Variants in STRA8 observed in about 807,000 individuals in gnomAD.
STRA8 encodes stimulated by retinoic acid 8.
Under a neutral mutation model 37.1 loss-of-function variants are expected in STRA8, and 18 were observed. The ratio of observed to expected loss-of-function variants is 0.48; its 90% CI spans 0.34 to 0.72. The LOEUF is 0.72. STRA8 is among the 30% of genes least tolerant of loss of function. STRA8 has a pLI of 0.01. For synonymous variants in STRA8, 168 were observed against 162.9 expected (o/e 1.03, Z -0.24); for missense variants, 357 against 410.4 (o/e 0.87, Z 1.13).
At chr7:135,241,827 C>G (rs1832468665) in intron 2 of STRA8, among the ~76,000 whole-genome samples, 1 of 152,094 alleles carries the variant, frequency 6.6e-6, no homozygotes, top group South Asian at 2.1e-4. Context: ...ACTCTGTATC[C>G]CTGGGACTTA....
chr7:135,252,182 A>G (rs1832647168), intron 7 of STRA8, among the ~76,000 whole-genome samples: 1 of 152,186 alleles, frequency 6.6e-6, no homozygotes, highest in Non-Finnish European at 1.5e-5. Context: ...AGTGACTCAC[A>G]GTTCCACAGG....
Position 135,246,412 on chromosome 7 carries a change from T to G in STRA8, c.594-5T>G. ...GGGTGCGAGACGGCGCCGCTTCTGT[T>G]CCAGGTATCTCAACTTTTACAAACA... On this transcript the variant is annotated splice_polypyrimidine_tract_variant and splice_region_variant and intron_variant, in intron 5 of 8. Transcript: ENST00000662584. The surrounding 1 kb of genome is among the most constrained non-coding windows in gnomAD (Gnocchi z 5.4). 6.3e-7 allele frequency: 1 copy of G among 1,598,666 alleles called. No individual in the cohort carries two copies. The highest frequency in any genetic ancestry group is 8.5e-7 in the Non-Finnish European group (1 of 1,171,688).
upstream of STRA8, among the ~76,000 whole-genome samples, chr7:135,232,944 G>A (rs944937790): frequency 2.0e-5 from 3 of 152,234 alleles, no homozygotes; most frequent in Admixed American, 6.5e-5. Context: ...GCGGAGCCAT[G>A]CTTCTTGCAC....
rs778547797 is a variant in STRA8 at position 135,258,451 on chromosome 7, A to C, written c.1099A>C (p.Met367Leu). ...ASFPVDEEMI[M>L]LQCTETFDDE... Reference sequence around the variant, plus strand: ...CTTTCCCGTTGATGAAGAGATGATCATGTTGCAGTGCACAGAGACCTTTGA... The same window carrying C: ...CTTTCCCGTTGATGAAGAGATGATCCTGTTGCAGTGCACAGAGACCTTTGA... Residue 367 changes from methionine to leucine, a missense_variant, in exon 9 of 9, where the codon ATG (methionine) becomes CTG (leucine). Coordinates refer to ENST00000662584, the MANE Select transcript of STRA8 (RefSeq NM_001394401.1). The C allele has an allele frequency of 1.3e-5, 21 of 1,607,158 alleles. No homozygotes were observed. Among genetic ancestry groups the C allele is most frequent in the African/African-American group, 2.7e-5 (2 of 74,866 alleles).
intron 1 of STRA8, among the ~76,000 whole-genome samples, chr7:135,240,138 C>T (rs73444259): frequency 0.019 from 2,849 of 152,240 alleles, 103 homozygotes; most frequent in African/African-American, 0.064. Flanking sequence ...CTGAAATTAA[C>T]AAGTGTCTGG....
In STRA8 at chr7:135,245,369, G is replaced by A. The variant is rs62639690; in HGVS notation, c.435G>A (p.Glu145=). Residue 145 remains glutamate (E), a synonymous_variant, in exon 5 of 9, where the codon GAG becomes GAA. Transcript: ENST00000662584. ...TEAVRKDAEE[E]EDEEEEDQEE... ...CAGTCAGGAAGGATGCTGAGGAGGA[G>A]GAAGATGAGGAAGAGGAAGATCAAG... is the stretch of plus-strand genomic sequence containing the variant. 1 of 780,278 alleles carries A rather than the reference G, an allele frequency of 1.3e-6. No homozygotes were observed. Among genetic ancestry groups the A allele is most frequent in the Non-Finnish European group, 2.4e-6 (1 of 417,768 alleles). 48.3% of individuals were successfully genotyped at this position (780,278 alleles called of 1,614,324 possible).
intron 2 of STRA8, among the ~76,000 whole-genome samples, chr7:135,242,369 T>C (rs575031421): frequency 2.0e-5 from 3 of 152,332 alleles, no homozygotes; most frequent in African/African-American, 7.2e-5. Context: ...ACATTTAATA[T>C]TAACTAGCCC....
intron 6 of STRA8, among the ~76,000 whole-genome samples, chr7:135,249,309 C>T (rs749071056): frequency 5.3e-5 from 8 of 152,188 alleles, no homozygotes; most frequent in Non-Finnish European, 1.0e-4. Context: ...ATGGGCTGGG[C>T]GTGGTGATGC....
At chr7:135,234,078 GGAT>G (rs138996477) in intron 1 of STRA8, among the ~76,000 whole-genome samples, 175 bp downstream of exon 1, 6 of 150,696 alleles carry the variant, frequency 4.0e-5, no homozygotes, top group African/African-American at 1.5e-4. Context: ...GAGTGATTCT[GGAT>G]GATGATGATG....
At chr7:135,250,723 A>T (rs113881419) in intron 6 of STRA8, among the ~76,000 whole-genome samples, 2,314 of 152,332 alleles carry the variant, frequency 0.015, 62 homozygotes, top group African/African-American at 0.053. Flanking sequence ...CAGTTAAAGT[A>T]AAGCATGCCC....
At chr7:135,234,854 C>A (rs989572384) in intron 1 of STRA8, among the ~76,000 whole-genome samples, 1 of 152,164 alleles carries the variant, frequency 6.6e-6, no homozygotes, top group Non-Finnish European at 1.5e-5. Flanking sequence ...AGGTCGAACA[C>A]AGCAATAAGT....
At chr7:135,239,526 G>T (rs1832428713) in intron 1 of STRA8, among the ~76,000 whole-genome samples, 1 of 152,320 alleles carries the variant, frequency 6.6e-6, no homozygotes, top group South Asian at 2.1e-4. Context: ...ATGGGGGCCA[G>T]GCTCTGTGTT....
In STRA8 at chr7:135,255,918, A is replaced by G. The variant is rs149065511; in HGVS notation, c.1065+693A>G. Among the ~76,000 whole-genome samples the G allele has an allele frequency of 2.3e-3, 354 of 152,332 alleles. 1 individual carries two copies. The highest frequency in any genetic ancestry group is 7.8e-3 in the African/African-American group (324 of 41,562). ...CCTTCCCAAAACGCTGGGCTATTTC[A>G]TCATCTTCTACAGTCTTCATCACCT... On this transcript the variant is annotated intron_variant, in intron 8 of 8. Coordinates refer to ENST00000662584, the MANE Select transcript of STRA8 (RefSeq NM_001394401.1).
intron 6 of STRA8, 46 bp from the exon 7 acceptor site, chr7:135,251,750 A>G: frequency 6.3e-7 from 1 of 1,598,934 alleles, no homozygotes; most frequent in Non-Finnish European, 8.6e-7. Flanking sequence ...CAAGCATGAA[A>G]TTGTCAAGTT....
intron 7 of STRA8, 23 bp downstream of exon 7, chr7:135,251,892 G>T (rs985049573): frequency 6.2e-7 from 1 of 1,611,586 alleles, no homozygotes; most frequent in Admixed American, 1.7e-5. Context: ...GTGTGAGATA[G>T]CATGTGCCCC....
rs76820527 is a variant in STRA8 at position 135,255,895 on chromosome 7, T to G, written c.1065+670T>G. Among the ~76,000 whole-genome samples the G allele has an allele frequency of 3.1e-3, 473 of 152,382 alleles. 11 individuals are homozygous for G. Among genetic ancestry groups the G allele is most frequent in the East Asian group, 0.023 (117 of 5,192 alleles). On this transcript the variant is annotated intron_variant, in intron 8 of 8. Transcript: ENST00000662584. ...AAATGTTGTGTGAACCTTTGACACC[T>G]TCCCAAAACGCTGGGCTATTTCATC...
chr7:135,246,731 T>A lies in STRA8; in HGVS notation c.879+29T>A. 1 of 1,496,632 alleles carries A rather than the reference T, an allele frequency of 6.7e-7. No individual in the cohort carries two copies. The highest frequency in any genetic ancestry group is 1.4e-5 in the African/African-American group (1 of 71,086). The allele number at this position is 1,496,632 out of a possible 1,614,324, so 92.7% of individuals were successfully genotyped here. Reference sequence around the variant, plus strand: ...AGCAGGCCCACCGGGGTGGCGTGGATGGGGCACGGGAACCACCCTCGCCCT... The same window carrying A: ...AGCAGGCCCACCGGGGTGGCGTGGAAGGGGCACGGGAACCACCCTCGCCCT... On this transcript the variant is annotated intron_variant, in intron 6 of 8. Transcript: ENST00000662584. The surrounding 1 kb of genome is among the most constrained non-coding windows in gnomAD (Gnocchi z 5.4).
chr7:135,233,451 G>A (rs573777925), upstream of STRA8, among the ~76,000 whole-genome samples: 3 of 152,154 alleles, frequency 2.0e-5, 1 homozygote, highest in Non-Finnish European at 4.4e-5. Context: ...CCTGTAAGCT[G>A]GTGGCATTGC....
chr7:135,244,346 C>T (rs1447548079), intron 4 of STRA8, among the ~76,000 whole-genome samples: 1 of 152,196 alleles, frequency 6.6e-6, no homozygotes, highest in African/African-American at 2.4e-5. Context: ...GTGTGAGCTA[C>T]CACGCCCAGC....
Sources: allele counts gnomAD v4.1 joint callset (sites outside exome capture counted in the v4.1 genomes callset), GRCh38; gene constraint gnomAD v4.1.1; non-coding constraint Gnocchi (gnomAD v3.1); transcripts MANE v1.5; gene names NCBI Gene and HGNC (gene_info 2026-07-23, HGNC 2026-07-21).